Variants in GRIN2A observed in about 807,000 individuals in gnomAD.
GRIN2A encodes glutamate receptor ionotropic, NMDA 2A.
GRIN2A carries 22 observed loss-of-function variants against 113.4 expected under a neutral mutation model. The observed-to-expected ratio is 0.19, with a 90% CI of 0.14 to 0.28. GRIN2A has a LOEUF of 0.28. GRIN2A is among the 10% of genes least tolerant of loss of function. The pLI, the probability that GRIN2A is intolerant of heterozygous loss-of-function variation, is 1.00. For synonymous variants in GRIN2A, 827 were observed against 738.4 expected (o/e 1.12, Z -1.94); for missense variants, 1,502 against 1,887.0 (o/e 0.80, Z 3.78).
chr16:10,178,626 C>G (rs1235583258), intron 2 of GRIN2A, among the ~76,000 whole-genome samples: 4 of 152,166 alleles, frequency 2.6e-5, no homozygotes, highest in Non-Finnish European at 5.9e-5. Flanking sequence ...ATTCTGCTAG[C>G]CTGCAAATCA....
intron 3 of GRIN2A, among the ~76,000 whole-genome samples, chr16:9,908,150 A>G (rs2044064646): frequency 1.3e-5 from 2 of 152,196 alleles, no homozygotes; most frequent in South Asian, 4.1e-4. Flanking sequence ...TGACAGCACT[A>G]TGTACATTAG....
chr16:9,898,378 A>C (rs546745694), intron 3 of GRIN2A, among the ~76,000 whole-genome samples: 1 of 152,232 alleles, frequency 6.6e-6, no homozygotes, highest in East Asian at 1.9e-4. Flanking sequence ...TGGGCTGCAT[A>C]AGCTTCTTTA....
intron 3 of GRIN2A, among the ~76,000 whole-genome samples, chr16:9,918,846 C>G (rs895216729): frequency 6.7e-6 from 1 of 149,916 alleles, no homozygotes; most frequent in South Asian, 2.1e-4. Flanking sequence ...CTAACTTAAA[C>G]AAAATTAAAC....
chr16:10,030,244 C>T (rs889694416), intron 2 of GRIN2A, among the ~76,000 whole-genome samples: 2 of 152,058 alleles, frequency 1.3e-5, no homozygotes, highest in East Asian at 1.9e-4. Flanking sequence ...TTCAATATTA[C>T]TGCATTTCTC....
chr16:10,134,100 G>A (rs182448847), intron 2 of GRIN2A, among the ~76,000 whole-genome samples: 25 of 151,542 alleles, frequency 1.6e-4, no homozygotes, highest in Admixed American at 1.4e-3. Context: ...GGAGGCTGAG[G>A]TGGGAGAATC....
At chr16:9,887,972 G>A (rs1002754466) in intron 4 of GRIN2A, among the ~76,000 whole-genome samples, 1 of 152,114 alleles carries the variant, frequency 6.6e-6, no homozygotes, top group Admixed American at 6.5e-5. Context: ...GTGGAGTCTC[G>A]TTCTCTCGCC....
At chr16:9,902,172 A>G (rs1034068640) in intron 3 of GRIN2A, among the ~76,000 whole-genome samples, 11 of 152,220 alleles carry the variant, frequency 7.2e-5, no homozygotes, top group Non-Finnish European at 1.5e-4. Context: ...AGAACCTCCA[A>G]TAATAAAGCT....
intron 2 of GRIN2A, among the ~76,000 whole-genome samples, chr16:10,163,944 C>T (rs953304954): frequency 6.6e-6 from 1 of 152,150 alleles, no homozygotes; most frequent in Admixed American, 6.5e-5. Flanking sequence ...AGCCACAAAC[C>T]TTCTTGGAAG....
At chr16:9,917,567 G>A (rs1567174745) in intron 3 of GRIN2A, among the ~76,000 whole-genome samples, 2 of 152,112 alleles carry the variant, frequency 1.3e-5, no homozygotes, top group African/African-American at 2.4e-5. Context: ...CTACTGCATC[G>A]GTTCCAAAAT....
rs756447522 is a variant in GRIN2A, at chr16:9,938,044, C to T, written c.922G>A (p.Glu308Lys). The change falls in exon 3 of 13, where the codon GAG (glutamate) becomes AAG (lysine). Residue 308 changes from glutamate (E) to lysine (K), a missense_variant. This residue lies in a region of GRIN2A where 334 missense variants were observed against 403.0 expected (regional missense o/e 0.83). Transcript: ENST00000330684. ...ILTTAASSML[E>K]KFSYIPEAKA... Reference sequence around the variant, plus strand: ...GCCTCGGGGATGTAGGAGAACTTCTCCAGCATAGAAGATGCAGCGGTGGTT... The same window carrying T: ...GCCTCGGGGATGTAGGAGAACTTCTTCAGCATAGAAGATGCAGCGGTGGTT... 2 of 1,613,952 alleles carry T rather than the reference C, an allele frequency of 1.2e-6. No homozygotes were observed. Among genetic ancestry groups the T allele is most frequent in the Non-Finnish European group, 1.7e-6 (2 of 1,179,990 alleles).
At chr16:9,977,570 C>A (rs1242889629) in intron 2 of GRIN2A, among the ~76,000 whole-genome samples, 1 of 152,144 alleles carries the variant, frequency 6.6e-6, no homozygotes, top group Non-Finnish European at 1.5e-5. Context: ...ATACAGCGTA[C>A]CACCCACTCC....
At chr16:9,932,342 C>T (rs908156981) in intron 3 of GRIN2A, among the ~76,000 whole-genome samples, 1 of 152,058 alleles carries the variant, frequency 6.6e-6, no homozygotes, top group African/African-American at 2.4e-5. Flanking sequence ...TGAAGAGACA[C>T]TTACTTCACT....
At position 9,938,263 on chromosome 16, in the gene GRIN2A, C is replaced by G; in HGVS notation, c.703G>C (p.Glu235Gln). ...GCCTCACTCAGAATGAGAACAGCCT[C>G]GTCTTTGGAACAGTAGAGCAAGATG... is the stretch of plus-strand genomic sequence containing the variant. ...SVILLYCSKD[E>Q]AVLILSEARS... The change falls in exon 3 of 13, where the codon GAG becomes CAG. Residue 235 changes from glutamate to glutamine, a missense_variant. Physicochemically the swap from Glu to Gln is conservative, Grantham distance 29 (BLOSUM62 2). This residue lies in a region of GRIN2A where 334 missense variants were observed against 403.0 expected (regional missense o/e 0.83). Transcript: ENST00000330684. The G allele has an allele frequency of 6.2e-7, 1 of 1,614,104 alleles. No homozygotes were observed. Among genetic ancestry groups the G allele is most frequent in the Non-Finnish European group, 8.5e-7 (1 of 1,179,978 alleles).
At chr16:10,049,263 T>C (rs950642094) in intron 2 of GRIN2A, among the ~76,000 whole-genome samples, 1 of 152,222 alleles carries the variant, frequency 6.6e-6, no homozygotes, top group Non-Finnish European at 1.5e-5. Flanking sequence ...TTAATTTACA[T>C]TTAAATGCTC....
chr16:9,915,886 C>T (rs2044240000), intron 3 of GRIN2A, among the ~76,000 whole-genome samples: 2 of 152,186 alleles, frequency 1.3e-5, no homozygotes, highest in Non-Finnish European at 2.9e-5. Context: ...TAGAATTTAG[C>T]ACAGTATGCC....
In GRIN2A at chr16:9,920,805, G is replaced by A. The variant is rs779418053; in HGVS notation, c.1007+17154C>T. Among the ~76,000 whole-genome samples the A allele has an allele frequency of 3.9e-5, 6 of 152,024 alleles. No homozygotes were observed. In the East Asian group the frequency reaches 5.8e-4, roughly 15 times the overall value. On this transcript the variant is annotated intron_variant, in intron 3 of 12. Coordinates refer to ENST00000330684, the MANE Select transcript of GRIN2A (RefSeq NM_001134407.3). ...GCTGACCTCGTGATCCCCCTGCCTC[G>A]GCCTCCCAAACTTTTAAAATCCAGG...
chr16:9,987,432 G>C (rs1156244299), intron 2 of GRIN2A, among the ~76,000 whole-genome samples: 1 of 152,164 alleles, frequency 6.6e-6, no homozygotes, highest in African/African-American at 2.4e-5. Flanking sequence ...GCACAGAAGT[G>C]GAATTCCACC....
At chr16:10,038,743 G>A (rs1392818011) in intron 2 of GRIN2A, among the ~76,000 whole-genome samples, 5 of 151,750 alleles carry the variant, frequency 3.3e-5, no homozygotes, top group Admixed American at 2.6e-4. Context: ...AGCTACTAGG[G>A]TGGCTGAGGC....
chr16:10,179,482 T>A (rs188832124), intron 2 of GRIN2A: 1 of 171,508 alleles, frequency 5.8e-6, no homozygotes, highest in African/African-American at 2.4e-5. Context: ...TGCCCTTTTG[T>A]GCTTTACCTA....
Sources: allele counts gnomAD v4.1 joint callset (sites outside exome capture counted in the v4.1 genomes callset), GRCh38; gene constraint gnomAD v4.1.1; regional missense constraint gnomAD v4.1.1; transcripts MANE v1.5; gene names NCBI Gene and HGNC (gene_info 2026-07-23, HGNC 2026-07-21).